Variants in CFAP20DC observed in about 807,000 individuals in gnomAD.
CFAP20DC encodes the protein CFAP20 domain containing.
CFAP20DC carries 84 observed loss-of-function variants against 101.7 expected under a neutral mutation model. That is an observed-to-expected ratio of 0.83 (90% CI 0.69 to 0.99). CFAP20DC has a LOEUF of 0.99. Ranked by LOEUF, CFAP20DC falls within the 50% of genes least tolerant of loss-of-function variation. CFAP20DC has a pLI of 0.00. For missense variants in CFAP20DC, 1,007 were observed against 970.3 expected, an observed-to-expected ratio of 1.04 and a Z score of -0.50; for synonymous variants, 359 against 351.2, an observed-to-expected ratio of 1.02 and a Z score of -0.25.
At chr3:58,956,461 G>A (rs2090640181) in intron 4 of CFAP20DC, among the ~76,000 whole-genome samples, 1 of 152,114 alleles carries the variant, frequency 6.6e-6, no homozygotes, top group Non-Finnish European at 1.5e-5. Flanking sequence ...GGAAAGGGGA[G>A]AGAAGAGTGG....
chr3:58,798,765 C>T (rs1302508068), intron 15 of CFAP20DC, among the ~76,000 whole-genome samples: 2 of 152,214 alleles, frequency 1.3e-5, no homozygotes, highest in African/African-American at 4.8e-5. Flanking sequence ...CAACCTTCAG[C>T]AACAACCAGT....
chr3:58,796,872 T>C (rs2073291206), intron 15 of CFAP20DC, among the ~76,000 whole-genome samples: 1 of 152,214 alleles, frequency 6.6e-6, no homozygotes, highest in African/African-American at 2.4e-5. Context: ...CTGTTCTATC[T>C]GTTACGGTGA....
chr3:58,792,916 T>C (rs1264254767), intron 15 of CFAP20DC, among the ~76,000 whole-genome samples: 1 of 152,100 alleles, frequency 6.6e-6, no homozygotes, highest in African/African-American at 2.4e-5. Flanking sequence ...AAAATGTATA[T>C]TACAAATGCT....
intron 5 of CFAP20DC, among the ~76,000 whole-genome samples, chr3:58,915,930 T>C (rs9881439): frequency 0.036 from 5,543 of 152,120 alleles, 314 homozygotes; most frequent in African/African-American, 0.13. Context: ...CTTAGCTAGC[T>C]AATACCCTGC....
intron 14 of CFAP20DC, among the ~76,000 whole-genome samples, chr3:58,815,690 GT>G (rs1181992943): frequency 4.0e-5 from 6 of 151,122 alleles, no homozygotes; most frequent in African/African-American, 1.5e-4. Context: ...CCATCAAAAA[GT>G]GGGCGAAGGA....
At chr3:58,888,218 A>G (rs1227636032) in intron 6 of CFAP20DC, among the ~76,000 whole-genome samples, 1 of 152,230 alleles carries the variant, frequency 6.6e-6, no homozygotes, top group Admixed American at 6.5e-5. Context: ...CACAGAAAGC[A>G]TGGTCCAGTT....
At position 58,869,508 on chromosome 3, in the gene CFAP20DC, T is replaced by C. The variant is rs376404747; in HGVS notation, c.853-18A>G. 2.6e-6 allele frequency: 4 copies of C among 1,550,462 alleles called. No homozygotes were observed. Among genetic ancestry groups the C allele is most frequent in the Non-Finnish European group, 3.5e-6 (4 of 1,148,588 alleles). On this transcript the variant is annotated intron_variant, in intron 8 of 16. Coordinates refer to ENST00000482387, the MANE Select transcript of CFAP20DC (RefSeq NM_001394063.1). The surrounding 1 kb of genome is among the most constrained non-coding windows in gnomAD (Gnocchi z 4.3). ...CTCACTGTCTGTAAAGGAATTAATCTGTACATTTTAAAATATAGCAACTAC... is the reference window on the plus strand; with the variant it reads ...CTCACTGTCTGTAAAGGAATTAATCCGTACATTTTAAAATATAGCAACTAC...
At chr3:58,827,847 G>A (rs1165968294) in intron 14 of CFAP20DC, among the ~76,000 whole-genome samples, 2 of 152,166 alleles carry the variant, frequency 1.3e-5, no homozygotes, top group Non-Finnish European at 2.9e-5. Context: ...CAGCACATGT[G>A]TGCCACTCAA....
chr3:58,817,698 C>A (rs1290583835), intron 14 of CFAP20DC, among the ~76,000 whole-genome samples: 21 of 149,848 alleles, frequency 1.4e-4, no homozygotes, highest in African/African-American at 3.7e-4. Flanking sequence ...AGAATGGAAC[C>A]AAGTTGGAAA....
At chr3:58,969,244 C>T (rs1394656941) in intron 4 of CFAP20DC, among the ~76,000 whole-genome samples, 1 of 152,074 alleles carries the variant, frequency 6.6e-6, no homozygotes, top group Non-Finnish European at 1.5e-5. Flanking sequence ...GAAAGATGCT[C>T]AACATTATTA....
At chr3:58,879,125 T>C (rs987439510) in intron 7 of CFAP20DC, among the ~76,000 whole-genome samples, 1 of 152,180 alleles carries the variant, frequency 6.6e-6, no homozygotes, top group African/African-American at 2.4e-5. Flanking sequence ...TACAAAATAG[T>C]GATTACTGAG....
intron 14 of CFAP20DC, among the ~76,000 whole-genome samples, chr3:58,817,284 G>A (rs557036338): frequency 4.7e-4 from 72 of 152,300 alleles, no homozygotes; most frequent in African/African-American, 1.5e-3. Flanking sequence ...AACAAAGCTG[G>A]ATGGAGAATG....
At position 58,850,847 on chromosome 3, in the gene CFAP20DC, A is replaced by G. The variant is rs147511055; in HGVS notation, c.1594-1438T>C. 1.0e-3 allele frequency among the ~76,000 whole-genome samples: 152 copies of G among 152,168 alleles called. 1 individual carries two copies. The highest frequency in any genetic ancestry group is 3.5e-3 in the African/African-American group (146 of 41,526). ...CTAAGGGTTGGCATTTTAAAAACAA[A>G]TATTTGGGTGACTGATTGAACTGTT... is the stretch of plus-strand genomic sequence containing the variant. On this transcript the variant is annotated intron_variant, in intron 12 of 16. Coordinates refer to ENST00000482387, the MANE Select transcript of CFAP20DC (RefSeq NM_001394063.1).
rs959780563 is a variant in CFAP20DC, at chr3:58,788,678, G to A, written c.2237+17717C>T. ...ACTGTATATTAGACACACATTTAGG[G>A]CACTAATCTAGTATATAAATTGCAC... On this transcript the variant is annotated intron_variant, in intron 15 of 16. Coordinates refer to ENST00000482387, the MANE Select transcript of CFAP20DC (RefSeq NM_001394063.1). The surrounding 1 kb of genome is among the most constrained non-coding windows in gnomAD (Gnocchi z 4.2). Among the ~76,000 whole-genome samples, 22 of 151,806 alleles carry A rather than the reference G, an allele frequency of 1.4e-4. No homozygotes were observed. Among genetic ancestry groups the A allele is most frequent in the African/African-American group, 5.1e-4 (21 of 41,412 alleles).
intron 7 of CFAP20DC, among the ~76,000 whole-genome samples, chr3:58,879,022 A>C (rs909726976): frequency 3.3e-5 from 5 of 151,882 alleles, no homozygotes; most frequent in African/African-American, 4.8e-5. Flanking sequence ...AAAAAAAAAA[A>C]ACAAAAGAAT....
At chr3:58,771,622 A>G (rs192505687) in intron 15 of CFAP20DC, among the ~76,000 whole-genome samples, 1 of 152,246 alleles carries the variant, frequency 6.6e-6, no homozygotes, top group East Asian at 1.9e-4. Flanking sequence ...TTGTCCTTAA[A>G]AACAGGGCAT....
At position 58,935,546 on chromosome 3, in the gene CFAP20DC, A is replaced by C. The variant is rs2087437864; in HGVS notation, c.393+2102T>G. ...CTATACTACAAGGCTACAGTAACCA[A>C]AACAGCATGGTACTGGTACCAAAAC... On this transcript the variant is annotated intron_variant, in intron 5 of 16. Coordinates refer to ENST00000482387, the MANE Select transcript of CFAP20DC (RefSeq NM_001394063.1). Among the ~76,000 whole-genome samples the C allele has an allele frequency of 1.3e-5, 2 of 152,154 alleles. 1 individual carries two copies. Among genetic ancestry groups the C allele is most frequent in the Admixed American group, 1.3e-4 (2 of 15,300 alleles).
chr3:58,748,956 T>A (rs1243602411), intron 16 of CFAP20DC, among the ~76,000 whole-genome samples: 1 of 152,104 alleles, frequency 6.6e-6, no homozygotes, highest in East Asian at 1.9e-4. Flanking sequence ...TAAGCAGTGT[T>A]GGGAGGAGGT....
intron 7 of CFAP20DC, among the ~76,000 whole-genome samples, chr3:58,877,416 T>C (rs2080844013): frequency 6.6e-6 from 1 of 152,224 alleles, no homozygotes; most frequent in African/African-American, 2.4e-5. Context: ...AGGAGCTTCA[T>C]ATCTAGTCTT....
Sources: gnomAD v4.1 joint callset for allele counts (sites outside exome capture counted in the v4.1 genomes callset) on GRCh38, gnomAD v4.1.1 for gene constraint, Gnocchi (gnomAD v3.1) non-coding constraint, MANE v1.5 for transcripts, NCBI Gene and HGNC (gene_info 2026-07-23, HGNC 2026-07-21) for gene names.